Variants in WDR27 observed in about 807,000 individuals in gnomAD.
WDR27 encodes WD repeat domain 27.
WDR27 carries 100 observed loss-of-function variants against 114.4 expected under a neutral mutation model. That is an observed-to-expected ratio of 0.87 (90% CI 0.74 to 1.03). The LOEUF (loss-of-function observed/expected upper bound fraction) is 1.03, where lower values mean the gene tolerates loss of function less well. Ranked by LOEUF, WDR27 falls within the 50% of genes least tolerant of loss-of-function variation. WDR27 has a pLI of 0.00. For missense variants in WDR27, 1,129 were observed against 1,092.9 expected (o/e 1.03, Z -0.47); for synonymous variants, 449 against 423.1 (o/e 1.06, Z -0.75).
At chr6:169,477,839 T>G (rs1410171072) in intron 25 of WDR27, among the ~76,000 whole-genome samples, 1 of 152,218 alleles carries the variant, frequency 6.6e-6, no homozygotes, top group Non-Finnish European at 1.5e-5. Flanking sequence ...TTCAAAGAGC[T>G]GTTCATGAAT....
rs984471396 is a variant in WDR27, at chr6:169,701,974, C to T, written c.-431G>A. 5.5e-4 allele frequency: 217 copies of T among 395,884 alleles called. No individual in the cohort carries two copies. Among genetic ancestry groups the T allele is most frequent in the Non-Finnish European group, 8.3e-4 (163 of 195,318 alleles). 24.5% of individuals were successfully genotyped at this position (395,884 alleles called of 1,614,324 possible). A position where few individuals can be genotyped will look rare whatever the true frequency, so the allele number is the denominator to read the frequency against. On this transcript the variant is annotated 5_prime_UTR_variant, in exon 1 of 26. Coordinates refer to ENST00000448612, the MANE Select transcript of WDR27 (RefSeq NM_182552.5). ...CAGAGGACTACCGAGCCACACTCCG[C>T]CCCACGCTCGCCGCTATGGTTACTT...
chr6:169,516,947 A>G lies in WDR27; in HGVS notation c.2645+55472T>C, dbSNP rs1047961962. The stretch of plus-strand genomic sequence containing the variant: ...GACTTTGGGGGACTATTGAGAAGTC[A>G]TGACTGTATTTTGCAATGTGAGAAG... On this transcript the variant is annotated intron_variant, in intron 25 of 25. Coordinates refer to ENST00000448612, the MANE Select transcript of WDR27 (RefSeq NM_182552.5). Among the ~76,000 whole-genome samples the G allele has an allele frequency of 4.6e-5, 7 of 152,108 alleles. No individual in the cohort carries two copies. In the South Asian group the frequency reaches 1.4e-3, roughly 31 times the overall value.
rs911008071 is a variant in WDR27, at chr6:169,510,573, T to C, written c.2646-52939A>G. ...GCATGTTCTCACCCATAGGTGGGAA[T>C]TGAACAATGAGAACACATGGACACA... On this transcript the variant is annotated intron_variant, in intron 25 of 25. Coordinates refer to ENST00000448612, the MANE Select transcript of WDR27 (RefSeq NM_182552.5). 8.0e-5 allele frequency among the ~76,000 whole-genome samples: 11 copies of C among 138,138 alleles called. No individual in the cohort carries two copies. The East Asian group carries it at 1.9e-3, about 24-fold the overall frequency. 90.6% of individuals were successfully genotyped at this position (138,138 alleles called of 152,430 possible). A position where few individuals can be genotyped will look rare whatever the true frequency, so the allele number is the denominator to read the frequency against.
intron 21 of WDR27, among the ~76,000 whole-genome samples, chr6:169,616,631 GA>G (rs1811886994): frequency 6.6e-6 from 1 of 152,120 alleles, no homozygotes; most frequent in South Asian, 2.1e-4. Context: ...TAACAAGGGT[GA>G]GTCAATGAAT....
chr6:169,472,536 T>G (rs1417374793), intron 25 of WDR27, among the ~76,000 whole-genome samples: 1 of 152,194 alleles, frequency 6.6e-6, no homozygotes, highest in Non-Finnish European at 1.5e-5. Context: ...TTGTAAGGAT[T>G]GAATTAGTTA....
chr6:169,579,728 A>G (rs1168152420), intron 24 of WDR27, among the ~76,000 whole-genome samples: 1 of 152,148 alleles, frequency 6.6e-6, no homozygotes, highest in Non-Finnish European at 1.5e-5. Context: ...TATGTAGCAT[A>G]TAATTAAGAG....
At chr6:169,520,917 T>G (rs866535840) in intron 25 of WDR27, among the ~76,000 whole-genome samples, 5 of 152,044 alleles carry the variant, frequency 3.3e-5, no homozygotes, top group South Asian at 2.1e-4. Flanking sequence ...ATCTAAGAAT[T>G]ATTAGTGTTC....
chr6:169,658,309 T>C lies in WDR27; in HGVS notation c.1369A>G (p.Lys457Glu), dbSNP rs768251275. 1.2e-6 allele frequency: 2 copies of C among 1,602,132 alleles called. No individual in the cohort carries two copies. Among genetic ancestry groups the C allele is most frequent in the Non-Finnish European group, 1.7e-6 (2 of 1,174,712 alleles). Reference protein sequence around the residue: ...SPLYLGIAKEKSTKAASEQRR... With the variant: ...SPLYLGIAKEESTKAASEQRR... ...TGTTCACTAGCAGCCTTGGTACTCT[T>C]CTCCTTGGCAATTCCCAGATACAGT... Residue 457 changes from lysine (K) to glutamate (E), a missense_variant, in exon 13 of 26, where the codon AAG (lysine) becomes GAG (glutamate). Lys to Glu is a moderately conservative substitution (Grantham distance 56). Coordinates refer to ENST00000448612, the MANE Select transcript of WDR27 (RefSeq NM_182552.5).
chr6:169,667,246 G>A (rs181940875), intron 5 of WDR27, 59 bp from the exon 6 acceptor site: 758 of 1,429,040 alleles, frequency 5.3e-4, no homozygotes, highest in Non-Finnish European at 6.6e-4. Context: ...ATTGCAACAG[G>A]TGAAGCTAAC....
intron 25 of WDR27, among the ~76,000 whole-genome samples, chr6:169,513,407 C>G (rs1008270811): frequency 6.6e-6 from 1 of 152,078 alleles, no homozygotes; most frequent in Non-Finnish European, 1.5e-5. Flanking sequence ...ACACAGATGC[C>G]CACCTCTCGA....
chr6:169,452,574 AGGAGCCGTGCGTGGGGTCAGAG>A, downstream of WDR27, among the ~76,000 whole-genome samples: 1 of 81,066 alleles, frequency 1.2e-5, no homozygotes, highest in Non-Finnish European at 2.2e-5. Flanking sequence ...GGGGTCAGAG[AGGAGCCGTGCGTGGGGTCAGAG>A]AGGAGCTGAG....
chr6:169,623,167 C>T (rs972747428), intron 21 of WDR27, among the ~76,000 whole-genome samples: 1 of 152,114 alleles, frequency 6.6e-6, no homozygotes, highest in Non-Finnish European at 1.5e-5. Context: ...GTACCCCACC[C>T]GATCAATAAA....
the WDR27 span, among the ~76,000 whole-genome samples, chr6:169,427,764 C>G: frequency 6.7e-6 from 1 of 148,524 alleles, no homozygotes; most frequent in Non-Finnish European, 1.5e-5. Context: ...GGGGCAGCCC[C>G]TGTCTTATTT....
intron 25 of WDR27, among the ~76,000 whole-genome samples, chr6:169,541,209 G>C (rs749429352): frequency 2.0e-5 from 3 of 151,310 alleles, no homozygotes; most frequent in Non-Finnish European, 2.9e-5. Flanking sequence ...ATGAATGACA[G>C]GCCAAGAAGA....
chr6:169,657,427 G>A lies in WDR27; in HGVS notation c.1402+849C>T, dbSNP rs549846336. Among the ~76,000 whole-genome samples the A allele has an allele frequency of 2.6e-4, 40 of 152,356 alleles. No homozygotes were observed. The South Asian group carries it at 5.0e-3, about 19-fold the overall frequency. On this transcript the variant is annotated intron_variant, in intron 13 of 25. Transcript: ENST00000448612. ...GCCCAGCCTAGCCGAGCCCGGCCCGGGGAGAGGCCCAAGGGTGGGGTCGCC... is the reference window on the plus strand; with the variant it reads ...GCCCAGCCTAGCCGAGCCCGGCCCGAGGAGAGGCCCAAGGGTGGGGTCGCC...
At chr6:169,553,866 T>C (rs1478542700) in intron 25 of WDR27, among the ~76,000 whole-genome samples, 4 of 151,938 alleles carry the variant, frequency 2.6e-5, no homozygotes, top group African/African-American at 9.7e-5. Flanking sequence ...CAGAATGGAG[T>C]GAGAGAAAGA....
intron 25 of WDR27, among the ~76,000 whole-genome samples, chr6:169,524,894 C>T (rs550641077): frequency 2.6e-5 from 4 of 152,042 alleles, no homozygotes; most frequent in African/African-American, 4.8e-5. Context: ...TGTGTAAAAT[C>T]GCAAAAGCAC....
At chr6:169,443,904 C>T in the WDR27 span, among the ~76,000 whole-genome samples, 2 of 152,178 alleles carry the variant, frequency 1.3e-5, no homozygotes, top group Non-Finnish European at 2.9e-5. Flanking sequence ...CCTGGCATTG[C>T]CACCTCCAGC....
chr6:169,633,461 A>G (rs1816915611), intron 20 of WDR27, among the ~76,000 whole-genome samples: 1 of 152,256 alleles, frequency 6.6e-6, no homozygotes, highest in South Asian at 2.1e-4. Flanking sequence ...AGACAGATCC[A>G]CAGAATGGGT....
Sources: allele counts gnomAD v4.1 joint callset (sites outside exome capture counted in the v4.1 genomes callset), GRCh38; gene constraint gnomAD v4.1.1; transcripts MANE v1.5; gene names NCBI Gene and HGNC (gene_info 2026-07-23, HGNC 2026-07-21).